THNSL1: variants seen among roughly 807,000 people sequenced by gnomAD.
The protein encoded by THNSL1 is threonine synthase like 1.
THNSL1 carries 48 observed loss-of-function variants against 50.4 expected under a neutral mutation model. The ratio of observed to expected loss-of-function variants is 0.95; its 90% CI spans 0.76 to 1.21. The LOEUF (loss-of-function observed/expected upper bound fraction) is 1.21, where lower values mean the gene tolerates loss of function less well. Ranked by LOEUF, THNSL1 falls within the 50% of genes most tolerant of loss-of-function variation. The probability of loss-of-function intolerance (pLI) is 0.00; values close to 1 mark genes in which losing one functional copy is unlikely to be tolerated. For synonymous variants in THNSL1, 309 were observed against 306.1 expected, an observed-to-expected ratio of 1.01 and a Z score of -0.10; for missense variants, 896 against 871.7, an observed-to-expected ratio of 1.03 and a Z score of -0.35.
the THNSL1 span, among the ~76,000 whole-genome samples, chr10:24,974,174 A>G: frequency 6.6e-6 from 1 of 152,222 alleles, no homozygotes; most frequent in Non-Finnish European, 1.5e-5. Context: ...ATCAAACACC[A>G]TAAGATCCTC....
chr10:25,016,200 C>T (rs1850568091), upstream of THNSL1: 1 of 1,168,688 alleles, frequency 8.6e-7, no homozygotes, highest in Admixed American at 4.6e-5. Context: ...GAGGAAGTGG[C>T]AGGCAGCACC....
the THNSL1 span, among the ~76,000 whole-genome samples, chr10:24,996,080 AT>A: frequency 6.6e-6 from 1 of 152,218 alleles, no homozygotes; most frequent in South Asian, 2.1e-4. Flanking sequence ...TCAGGCCTCA[AT>A]AAAATAATTT....
chr10:24,972,447 G>A, the THNSL1 span, among the ~76,000 whole-genome samples: 6 of 151,780 alleles, frequency 4.0e-5, no homozygotes, highest in African/African-American at 1.5e-4. Flanking sequence ...GGTGGAGGTT[G>A]TGGTGAGCCA....
At chr10:25,011,606 G>A in the THNSL1 span, among the ~76,000 whole-genome samples, 31 of 152,082 alleles carry the variant, frequency 2.0e-4, no homozygotes, top group Non-Finnish European at 3.2e-4. Context: ...AGACTTAAAC[G>A]TTAGACCTGC....
the THNSL1 span, among the ~76,000 whole-genome samples, chr10:24,969,318 G>GT: frequency 1.6e-4 from 24 of 152,294 alleles, no homozygotes; most frequent in East Asian, 4.2e-3. Flanking sequence ...CAGGATGAGT[G>GT]TTACGTACTT....
the THNSL1 span, among the ~76,000 whole-genome samples, chr10:25,003,375 T>G: frequency 1.3e-5 from 2 of 152,044 alleles, no homozygotes; most frequent in Non-Finnish European, 2.9e-5. Context: ...CCTGGCTAAT[T>G]TTTGTATTTT....
chr10:24,957,170 A>G, the THNSL1 span, among the ~76,000 whole-genome samples: 3 of 152,102 alleles, frequency 2.0e-5, no homozygotes, highest in Non-Finnish European at 4.4e-5. Flanking sequence ...CCCACCTTTC[A>G]CCTGACTCTG....
chr10:25,010,418 T>C, the THNSL1 span, among the ~76,000 whole-genome samples: 1,132 of 152,266 alleles, frequency 7.4e-3, 17 homozygotes, highest in African/African-American at 0.025. Flanking sequence ...TTCACAAAGA[T>C]ATGGTTTGGA....
the THNSL1 span, among the ~76,000 whole-genome samples, chr10:24,957,350 G>A: frequency 3.3e-5 from 5 of 152,024 alleles, no homozygotes; most frequent in Non-Finnish European, 7.4e-5. Flanking sequence ...TTTTTGTTGA[G>A]GTCTTATCCA....
intron 1 of THNSL1, among the ~76,000 whole-genome samples, chr10:25,017,621 CTT>C (rs139511500): frequency 9.1e-4 from 130 of 142,082 alleles, no homozygotes; most frequent in Admixed American, 3.4e-3. Flanking sequence ...TTAAGTTTTT[CTT>C]TTTTTTTTTT....
upstream of THNSL1, among the ~76,000 whole-genome samples, chr10:25,014,089 A>G (rs1021155932): frequency 6.6e-5 from 10 of 152,226 alleles, no homozygotes; most frequent in African/African-American, 2.2e-4. Flanking sequence ...GTCTCAGCCA[A>G]TAGTTCAACT....
At chr10:25,013,383 T>TA (rs1451299559), upstream of THNSL1, among the ~76,000 whole-genome samples, 4 of 152,120 alleles carry the variant, frequency 2.6e-5, no homozygotes, top group African/African-American at 9.7e-5. Flanking sequence ...TGAGTTGAGA[T>TA]AAAAAAGAAT....
chr10:25,015,718 TA>T, upstream of THNSL1: 1 of 742,850 alleles, frequency 1.3e-6, no homozygotes, highest in Non-Finnish European at 1.9e-6. Context: ...ACCTTTTCTC[TA>T]ACAAGTTATC....
chr10:24,964,244 G>A, the THNSL1 span, among the ~76,000 whole-genome samples: 1 of 152,168 alleles, frequency 6.6e-6, no homozygotes, highest in Non-Finnish European at 1.5e-5. Flanking sequence ...CTGCCCTAGA[G>A]TAACAGCCTT....
rs773114743 is a variant in THNSL1 at position 25,023,514 on chromosome 10, G to A, written c.291G>A (p.Met97Ile). 3 of 1,614,108 alleles carry A rather than the reference G, an allele frequency of 1.9e-6. No homozygotes were observed. In the East Asian group the frequency reaches 6.7e-5, roughly 36 times the overall value. The change falls in exon 3 of 3, where the codon ATG becomes ATA. Residue 97 changes from methionine to isoleucine, a missense_variant. Met to Ile is a conservative substitution (Grantham distance 10). Coordinates refer to ENST00000376356, the MANE Select transcript of THNSL1 (RefSeq NM_024838.5). ...DDDILEKTWN[M>I]SVSEKLQDVG... ...ATATCCTTGAAAAAACCTGGAATAT[G>A]AGTGTGTCTGAAAAATTACAGGATG...
At position 25,023,682 on chromosome 10, in the gene THNSL1, C is replaced by T. The variant is rs1421846835; in HGVS notation, c.459C>T (p.Tyr153=). The T allele has an allele frequency of 5.0e-6, 8 of 1,613,776 alleles. No individual in the cohort carries two copies. In the African/African-American group the frequency reaches 6.7e-5, roughly 13 times the overall value. The change falls in exon 3 of 3, where the codon TAC becomes TAT. Residue 153 remains tyrosine, a synonymous_variant. Coordinates refer to ENST00000376356, the MANE Select transcript of THNSL1 (RefSeq NM_024838.5). ...TGAAGAAAAATGGAATAATTGTATA[C>T]CTGGATGTACCTCTACTAGATCTAA... The part of the protein sequence containing the change: ...WHLKKNGIIV[Y]LDVPLLDLIC...
the THNSL1 span, among the ~76,000 whole-genome samples, chr10:24,987,884 G>C: frequency 6.6e-6 from 1 of 152,062 alleles, no homozygotes. Flanking sequence ...GAACACACTA[G>C]ATATTCAATA....
At chr10:24,960,959 T>C in the THNSL1 span, among the ~76,000 whole-genome samples, 5 of 152,332 alleles carry the variant, frequency 3.3e-5, no homozygotes, top group Admixed American at 2.0e-4. Flanking sequence ...GTAGGATCCA[T>C]GGCAAGTTGA....
the THNSL1 span, chr10:24,984,689 T>G: frequency 6.6e-7 from 1 of 1,518,666 alleles, no homozygotes; most frequent in Non-Finnish European, 8.9e-7. Context: ...TTTCCATGTT[T>G]TTTTCCCCTA....
Sources: gnomAD v4.1 joint callset for allele counts (sites outside exome capture counted in the v4.1 genomes callset) on GRCh38, gnomAD v4.1.1 for gene constraint, MANE v1.5 for transcripts, NCBI Gene and HGNC (gene_info 2026-07-23, HGNC 2026-07-21) for gene names.